The following SCOC variants were observed in gnomAD, a reference collection of about 807,000 sequenced individuals.
The protein encoded by SCOC is short coiled-coil protein, also known as short coiled coil protein.
SCOC carries 7 observed loss-of-function variants against 9.9 expected under a neutral mutation model. The ratio of observed to expected loss-of-function variants is 0.71; its 90% confidence interval spans 0.40 to 1.33. The LOEUF is 1.33. Among genes scored for constraint, SCOC ranks in the 40% most tolerant of loss-of-function variants. The pLI is 0.01. For missense variants in SCOC, 66 were observed against 89.7 expected (o/e 0.74, Z 1.07); for synonymous variants, 19 against 28.2 (o/e 0.67, Z 1.03).
chr4:140,369,228 G>A (rs1727935225), upstream of SCOC: 26 of 427,396 alleles, frequency 6.1e-5, 1 homozygote, highest in South Asian at 4.0e-4. Context: ...ATACTGTTGA[G>A]TATAGTATAC....
intron 1 of SCOC, chr4:140,374,002 C>T (rs1728204300): frequency 1.6e-6 from 1 of 607,226 alleles, no homozygotes. Context: ...TAGCTTTCTC[C>T]CCGCAGCTCC....
intron 2 of SCOC, among the ~76,000 whole-genome samples, chr4:140,362,031 T>G (rs1464019026): frequency 6.7e-6 from 1 of 148,572 alleles, no homozygotes; most frequent in Non-Finnish European, 1.5e-5. Context: ...TCATCAGCCT[T>G]TAGAGCAGAC....
intron 2 of SCOC, among the ~76,000 whole-genome samples, chr4:140,348,230 C>T (rs980874948): frequency 3.3e-5 from 5 of 151,864 alleles, no homozygotes; most frequent in Non-Finnish European, 7.4e-5. Flanking sequence ...CTATAGTTGC[C>T]GTGATGTACA....
chr4:140,326,034 G>A (rs185000611), intron 1 of SCOC, among the ~76,000 whole-genome samples: 46 of 152,056 alleles, frequency 3.0e-4, no homozygotes, highest in African/African-American at 9.4e-4. Flanking sequence ...ACAACAACAC[G>A]GATCTTAAAT....
At chr4:140,291,333 C>A (rs1054483457) in intron 1 of SCOC, 6 of 445,124 alleles carry the variant, frequency 1.3e-5, no homozygotes, top group African/African-American at 1.2e-4. Context: ...GAGATTATAT[C>A]CTGGAGTCCT....
chr4:140,369,289 T>G, upstream of SCOC: 1 of 448,710 alleles, frequency 2.2e-6, no homozygotes, highest in Non-Finnish European at 4.5e-6. Flanking sequence ...TTTTAACAAA[T>G]AGGTTATATT....
chr4:140,330,837 T>A (rs1455209068), intron 1 of SCOC, among the ~76,000 whole-genome samples: 1 of 152,342 alleles, frequency 6.6e-6, no homozygotes, highest in Admixed American at 6.5e-5. Flanking sequence ...GAGAGTTGAG[T>A]GCTGGCAGTT....
intron 1 of SCOC, among the ~76,000 whole-genome samples, chr4:140,311,734 C>T (rs767659097): frequency 6.6e-6 from 1 of 152,142 alleles, no homozygotes; most frequent in Non-Finnish European, 1.5e-5. Context: ...CTTACTTAAA[C>T]TCTTTTGGTC....
At chr4:140,366,791 A>G (rs1727817391) in intron 2 of SCOC, 18 of 1,274,054 alleles carry the variant, frequency 1.4e-5, no homozygotes, top group Non-Finnish European at 2.1e-5. Flanking sequence ...GTTGCAACCA[A>G]TTTTCTGGCA....
At chr4:140,305,105 C>A (rs372126539) in intron 1 of SCOC, among the ~76,000 whole-genome samples, 1 of 152,192 alleles carries the variant, frequency 6.6e-6, no homozygotes, top group Non-Finnish European at 1.5e-5. Context: ...GGAAAAACAA[C>A]CGCATTGCAG....
At chr4:140,318,407 A>G (rs1400528599) in intron 1 of SCOC, among the ~76,000 whole-genome samples, 1 of 109,666 alleles carries the variant, frequency 9.1e-6, no homozygotes, top group Non-Finnish European at 1.7e-5. Flanking sequence ...ACCCCATCAA[A>G]AAGTGGGCGA....
Position 140,266,206 on chromosome 4 carries a change from G to A in SCOC, c.-19+8796G>A, listed in dbSNP as rs1415504618. ...TTTGTGGGTAATAATGTCATACCTA[G>A]AAGATGATTGTGTTGCCTGATAGCC... On this transcript the variant is annotated intron_variant, in intron 1 of 4. Coordinates refer to the SCOC transcript ENST00000394205. Among the ~76,000 whole-genome samples the A allele has an allele frequency of 2.6e-5, 4 of 152,180 alleles. No individual in the cohort carries two copies. The East Asian group carries it at 7.7e-4, about 29-fold the overall frequency.
At chr4:140,347,927 T>A (rs975874250) in intron 2 of SCOC, among the ~76,000 whole-genome samples, 1 of 152,222 alleles carries the variant, frequency 6.6e-6, no homozygotes, top group Non-Finnish European at 1.5e-5. Flanking sequence ...TATGGGAACA[T>A]TCTTCATTTC....
chr4:140,343,413 G>A (rs9996243), upstream of SCOC: 3,538 of 463,642 alleles, frequency 7.6e-3, 78 homozygotes, highest in African/African-American at 0.062. Context: ...CCGGTCAAGG[G>A]TTGTAAGTCA....
chr4:140,281,148 G>A (rs113144867), intron 1 of SCOC, among the ~76,000 whole-genome samples: 434 of 152,146 alleles, frequency 2.9e-3, no homozygotes, highest in African/African-American at 9.6e-3. Context: ...GTGTTCCTCT[G>A]GGCAACTTGT....
chr4:140,368,187 G>GA (rs573238167), intron 2 of SCOC, among the ~76,000 whole-genome samples: 179 of 152,242 alleles, frequency 1.2e-3, no homozygotes, highest in Non-Finnish European at 2.1e-3. Context: ...AAGAACCCAG[G>GA]TTTCTTCTTC....
At chr4:140,371,746 A>C (rs2126582041), upstream of SCOC, among the ~76,000 whole-genome samples, 1 of 152,358 alleles carries the variant, frequency 6.6e-6, no homozygotes. Flanking sequence ...GCACAAATTA[A>C]CACACACTTC....
intron 2 of SCOC, among the ~76,000 whole-genome samples, chr4:140,362,272 TCCTTAC>T (rs1225472691): frequency 2.4e-4 from 5 of 21,272 alleles, no homozygotes; most frequent in Non-Finnish European, 5.4e-4. Flanking sequence ...GACAGGTGTG[TCCTTAC>T]TTCTTCTTCT....
intron 1 of SCOC, among the ~76,000 whole-genome samples, chr4:140,328,074 T>C (rs1302872456): frequency 6.6e-6 from 1 of 152,166 alleles, no homozygotes; most frequent in Non-Finnish European, 1.5e-5. Context: ...TGCTTCTGCT[T>C]CCTCACCAGT....
Sources: gnomAD v4.1 joint callset for allele counts (sites outside exome capture counted in the v4.1 genomes callset) on GRCh38, gnomAD v4.1.1 for gene constraint, MANE v1.5 for transcripts, NCBI Gene and HGNC (gene_info 2026-07-23, HGNC 2026-07-21) for gene names.